ITK: variants seen among roughly 807,000 people sequenced by gnomAD.
ITK encodes IL2 inducible T cell kinase.
Under a neutral mutation model 87.6 loss-of-function variants are expected in ITK, and 45 were observed. The ratio of observed to expected loss-of-function variants is 0.51; its 90% CI spans 0.40 to 0.66. The LOEUF is 0.66. ITK is among the 30% of genes least tolerant of loss of function. ITK has a pLI of 0.00. For missense variants in ITK, 605 were observed against 766.3 expected, an observed-to-expected ratio of 0.79 and a Z score of 2.48; for synonymous variants, 303 against 273.6, an observed-to-expected ratio of 1.11 and a Z score of -1.06.
chr5:157,185,799 A>G (rs1486855149), intron 1 of ITK, among the ~76,000 whole-genome samples: 1 of 152,050 alleles, frequency 6.6e-6, no homozygotes, highest in African/African-American at 2.4e-5. Flanking sequence ...AGCTGTGATC[A>G]TGCCACTGTA....
intron 2 of ITK, among the ~76,000 whole-genome samples, chr5:157,211,032 C>G (rs770991347): frequency 6.6e-5 from 10 of 152,088 alleles, no homozygotes; most frequent in Non-Finnish European, 1.3e-4. Flanking sequence ...AAGAGGAGAA[C>G]TTTCTCCTGC....
At chr5:157,228,423 T>C in intron 7 of ITK, 62 bp downstream of exon 7, 1 of 983,102 alleles carries the variant, frequency 1.0e-6, no homozygotes, top group Admixed American at 1.7e-5. Context: ...AAGTTAGGAA[T>C]AAATTATTGG....
chr5:157,213,462 C>T (rs1027709196), intron 3 of ITK: 43 of 390,810 alleles, frequency 1.1e-4, no homozygotes, highest in Non-Finnish European at 1.8e-4. Context: ...ACTGCAGCCT[C>T]GACCTATTGG....
At chr5:157,205,193 G>A (rs889491290) in intron 1 of ITK, among the ~76,000 whole-genome samples, 6 of 152,094 alleles carry the variant, frequency 3.9e-5, no homozygotes, top group African/African-American at 1.4e-4. Flanking sequence ...ACTCTCAAAA[G>A]GTAGGTATTA....
chr5:157,194,107 G>A (rs1001031634), intron 1 of ITK, among the ~76,000 whole-genome samples: 4 of 152,142 alleles, frequency 2.6e-5, no homozygotes, highest in African/African-American at 9.7e-5. Flanking sequence ...CCTATACTTT[G>A]CTCCTACATA....
intron 2 of ITK, among the ~76,000 whole-genome samples, chr5:157,210,430 A>G (rs1173886465): frequency 6.6e-6 from 1 of 152,116 alleles, no homozygotes; most frequent in African/African-American, 2.4e-5. Context: ...TGTATTTTTC[A>G]GTTGTTCAAA....
chr5:157,240,125 C>T lies in ITK; in HGVS notation c.915C>T (p.Tyr305=), dbSNP rs773986316. The part of the protein sequence containing the change: ...IKETNDNPKR[Y]YVAEKYVFDS... The stretch of plus-strand genomic sequence containing the variant: ...AAACAAATGACAATCCTAAGCGATA[C>T]TATGTGGCTGAAAAGTATGTGTTCG... Residue 305 remains tyrosine, a synonymous_variant, in exon 10 of 17, where the codon TAC becomes TAT. Coordinates refer to ENST00000422843, the MANE Select transcript of ITK (RefSeq NM_005546.4). 1 of 1,613,292 alleles carries T rather than the reference C, an allele frequency of 6.2e-7. No homozygotes were observed.
chr5:157,237,414 A>G (rs1754798763), intron 8 of ITK, among the ~76,000 whole-genome samples: 1 of 152,222 alleles, frequency 6.6e-6, no homozygotes, highest in Admixed American at 6.5e-5. Flanking sequence ...GGATAGAAAA[A>G]CTACCTATTG....
intron 4 of ITK, among the ~76,000 whole-genome samples, chr5:157,217,150 AT>A (rs1283779094): frequency 6.6e-6 from 1 of 152,036 alleles, no homozygotes; most frequent in Non-Finnish European, 1.5e-5. Flanking sequence ...CAAAGGAGAA[AT>A]AGTGAGAGAT....
intron 1 of ITK, among the ~76,000 whole-genome samples, chr5:157,203,987 G>T (rs183066933): frequency 2.0e-5 from 3 of 152,158 alleles, no homozygotes; most frequent in Admixed American, 2.0e-4. Flanking sequence ...TTCTTCACAT[G>T]CCTCTGTAGT....
chr5:157,252,156 T>C (rs919742660), intron 16 of ITK, among the ~76,000 whole-genome samples: 3 of 152,238 alleles, frequency 2.0e-5, no homozygotes. Context: ...TCTTCTTTGC[T>C]TTCTTTTATT....
At position 157,254,053 on chromosome 5, in the gene ITK, T is replaced by C. The variant is rs991654595; in HGVS notation, c.*1375T>C. 2 of 226,472 alleles carry C rather than the reference T, an allele frequency of 8.8e-6. No individual in the cohort carries two copies. The highest frequency in any genetic ancestry group is 8.8e-6 in the Non-Finnish European group (1 of 113,914). 14.0% of individuals were successfully genotyped at this position (226,472 alleles called of 1,614,324 possible). A position where few individuals can be genotyped will look rare whatever the true frequency, so the allele number is the denominator to read the frequency against. The stretch of plus-strand genomic sequence containing the variant: ...GGAACTAGAAAGTCTAGAGCTGGTA[T>C]TCTAGCCCAAATCTGTCTGACCGCA... On this transcript the variant is annotated 3_prime_UTR_variant, in exon 17 of 17. Transcript: ENST00000422843.
chr5:157,191,163 G>A (rs552619806), intron 1 of ITK, among the ~76,000 whole-genome samples: 8 of 151,504 alleles, frequency 5.3e-5, no homozygotes, highest in Admixed American at 2.0e-4. Context: ...TTTTTGAGAC[G>A]GAGTCTCACT....
intron 8 of ITK, among the ~76,000 whole-genome samples, chr5:157,235,455 A>G (rs1286126913): frequency 6.6e-6 from 1 of 152,164 alleles, no homozygotes; most frequent in Non-Finnish European, 1.5e-5. Flanking sequence ...CAGTATTATT[A>G]CTTCTCCAGT....
intron 9 of ITK, 135 bp downstream of exon 9, chr5:157,238,326 C>T: frequency 1.4e-6 from 1 of 731,526 alleles, no homozygotes; most frequent in South Asian, 1.5e-5. Context: ...CCTCTTTACT[C>T]CGAGAAAACC....
At chr5:157,214,044 G>A (rs1480265160) in intron 3 of ITK, 147 bp from the exon 4 acceptor site, 27 of 758,982 alleles carry the variant, frequency 3.6e-5, no homozygotes, top group South Asian at 5.5e-5. Context: ...GCATTTATGC[G>A]CTCAGATCAA....
intron 5 of ITK, 103 bp from the exon 6 acceptor site, chr5:157,222,760 C>A: frequency 9.0e-7 from 1 of 1,116,968 alleles, no homozygotes; most frequent in Non-Finnish European, 1.4e-6. Flanking sequence ...TAAAGAAAGT[C>A]TACCAGAGGA....
intron 8 of ITK, among the ~76,000 whole-genome samples, chr5:157,237,299 C>T (rs1229320377): frequency 6.6e-6 from 1 of 152,146 alleles, no homozygotes; most frequent in Non-Finnish European, 1.5e-5. Context: ...AAATGGAAAA[C>T]CAAACACCAC....
intron 9 of ITK, among the ~76,000 whole-genome samples, chr5:157,238,477 T>A (rs141926453): frequency 3.9e-4 from 60 of 152,334 alleles, no homozygotes; most frequent in African/African-American, 1.4e-3. Context: ...ATTGGATGAG[T>A]ATATAATTTA....
Sources: gnomAD v4.1 joint callset for allele counts (sites outside exome capture counted in the v4.1 genomes callset) on GRCh38, gnomAD v4.1.1 for gene constraint, MANE v1.5 for transcripts, NCBI Gene and HGNC (gene_info 2026-07-23, HGNC 2026-07-21) for gene names.